PCDHGA3: variants seen among roughly 807,000 people sequenced by gnomAD.
PCDHGA3 encodes the protein protocadherin gamma-A3.
PCDHGA3 carries 40 observed loss-of-function variants against 58.5 expected under a neutral mutation model. The ratio of observed to expected loss-of-function variants is 0.68; its 90% CI spans 0.53 to 0.89. The LOEUF is 0.89. Ranked by LOEUF, PCDHGA3 falls within the 40% of genes least tolerant of loss-of-function variation. The pLI is 0.00. For synonymous variants in PCDHGA3, 530 were observed against 525.7 expected, an observed-to-expected ratio of 1.01 and a Z score of -0.11; for missense variants, 1,223 against 1,195.9, an observed-to-expected ratio of 1.02 and a Z score of -0.33.
intron 1 of PCDHGA3, chr5:141,430,966 A>G: frequency 1.2e-6 from 2 of 1,612,916 alleles, no homozygotes. Context: ...TCATCCCCAG[A>G]GGTAGGACGC....
chr5:141,473,233 C>T (rs116489525), intron 1 of PCDHGA3, among the ~76,000 whole-genome samples: 1,684 of 152,238 alleles, frequency 0.011, 34 homozygotes, highest in African/African-American at 0.039. Flanking sequence ...ATTGGATCCA[C>T]ACAAGTGAAT....
intron 1 of PCDHGA3, chr5:141,415,744 T>TTTG (rs2095926305): frequency 2.5e-6 from 1 of 404,416 alleles, no homozygotes; most frequent in South Asian, 6.6e-5. Context: ...ATTAAGGTTT[T>TTTG]TTTTTTTTTT....
At chr5:141,388,018 C>A (rs528825785) in intron 1 of PCDHGA3, 2 of 1,460,562 alleles carry the variant, frequency 1.4e-6, no homozygotes, top group African/African-American at 2.9e-5. Flanking sequence ...CCCAAGGGCT[C>A]CGTAGTGGGG....
chr5:141,403,875 A>G (rs1311532081), intron 1 of PCDHGA3: 1 of 1,613,816 alleles, frequency 6.2e-7, no homozygotes, highest in South Asian at 1.1e-5. Context: ...AAAAGTCTAG[A>G]TTATGAAGAA....
At chr5:141,356,176 G>C (rs1169279400) in intron 1 of PCDHGA3, 1 of 1,612,348 alleles carries the variant, frequency 6.2e-7, no homozygotes, top group Admixed American at 1.7e-5. Context: ...TGATGGGCCT[G>C]GTCTCCGAGC....
rs1349935659 is a variant in PCDHGA3 at position 141,507,722 on chromosome 5, A to C, written c.2572+2241A>C. 6.6e-5 allele frequency among the ~76,000 whole-genome samples: 10 copies of C among 152,354 alleles called. No homozygotes were observed. In the East Asian group the frequency reaches 1.9e-3, roughly 29 times the overall value. ...ATTTATGGCCCCAAACCCTCCAAGC[A>C]AGTCATGCAGCTCGTTCCCCTGTCA... On this transcript the variant is annotated intron_variant, in intron 3 of 3. Coordinates refer to ENST00000253812, the MANE Select transcript of PCDHGA3 (RefSeq NM_018916.4).
chr5:141,415,880 A>G, intron 1 of PCDHGA3: 1 of 1,003,078 alleles, frequency 1.0e-6, no homozygotes. Flanking sequence ...TGAGTACAAT[A>G]TTGACAATTC....
chr5:141,374,289 G>A, intron 1 of PCDHGA3: 1 of 1,614,016 alleles, frequency 6.2e-7, no homozygotes. Context: ...ATCGTCTCCA[G>A]AGGTAGGATG....
In PCDHGA3 at chr5:141,372,299, G is replaced by T. The variant is rs35459734; in HGVS notation, c.2424+25842G>T. The stretch of plus-strand genomic sequence containing the variant: ...GCACGGCGCGTACCTTGGGCGACAG[G>T]GAGGCCGCCCGCCAGCGCCTGCTGG... On this transcript the variant is annotated intron_variant, in intron 1 of 3. Coordinates refer to ENST00000253812, the MANE Select transcript of PCDHGA3 (RefSeq NM_018916.4). The T allele has an allele frequency of 1.9e-3, 2,997 of 1,613,318 alleles. 22 individuals are homozygous for T. Among genetic ancestry groups the T allele is most frequent in the African/African-American group, 0.017 (1,313 of 75,058 alleles).
chr5:141,354,510 A>G (rs755155605), intron 1 of PCDHGA3, among the ~76,000 whole-genome samples: 7 of 152,228 alleles, frequency 4.6e-5, no homozygotes, highest in Non-Finnish European at 1.0e-4. Flanking sequence ...GTTTTTTGCA[A>G]GGGAATTGAA....
chr5:141,387,735 T>C lies in PCDHGA3; in HGVS notation c.2424+41278T>C, dbSNP rs966437790. The C allele has an allele frequency of 1.2e-5, 16 of 1,308,452 alleles. No individual in the cohort carries two copies. In the East Asian group the frequency reaches 1.3e-4, roughly 10 times the overall value. 81.1% of individuals were successfully genotyped at this position (1,308,452 alleles called of 1,614,324 possible). ...GCTCAGACTCCCCAGCGCCAGCCTTTACACCGCTTCCTCCTCGGAAAAAGA... is the reference window on the plus strand; with the variant it reads ...GCTCAGACTCCCCAGCGCCAGCCTTCACACCGCTTCCTCCTCGGAAAAAGA... On this transcript the variant is annotated intron_variant, in intron 1 of 3. Transcript: ENST00000253812.
chr5:141,484,230 G>A (rs1325484143), intron 1 of PCDHGA3, among the ~76,000 whole-genome samples: 2 of 152,174 alleles, frequency 1.3e-5, no homozygotes, highest in Non-Finnish European at 2.9e-5. Flanking sequence ...CAGGTAAAGA[G>A]ATCTGGTCCT....
chr5:141,349,812 T>G (rs1032595462), intron 1 of PCDHGA3, among the ~76,000 whole-genome samples: 8 of 151,658 alleles, frequency 5.3e-5, no homozygotes, highest in Non-Finnish European at 1.2e-4. Flanking sequence ...CCCCCAAAAC[T>G]GAAAAAAATG....
chr5:141,425,337 G>A (rs1327677274), intron 1 of PCDHGA3, among the ~76,000 whole-genome samples: 1 of 152,186 alleles, frequency 6.6e-6, no homozygotes. Flanking sequence ...AAAAAGGAAG[G>A]GTTGGCTTTG....
chr5:141,428,563 G>A, intron 1 of PCDHGA3: 2 of 237,566 alleles, frequency 8.4e-6, no homozygotes, highest in East Asian at 1.1e-4. Flanking sequence ...CCCCCCACAA[G>A]ATCTTTCTAA....
chr5:141,498,786 A>T (rs2099785591), intron 2 of PCDHGA3, among the ~76,000 whole-genome samples: 1 of 152,050 alleles, frequency 6.6e-6, no homozygotes, highest in East Asian at 1.9e-4. Context: ...ACAAAATATT[A>T]GCCAGGTGTG....
intron 1 of PCDHGA3, chr5:141,383,690 T>C: frequency 1.9e-6 from 3 of 1,614,010 alleles, no homozygotes; most frequent in Non-Finnish European, 2.5e-6. Flanking sequence ...CTGCTCACGG[T>C]ACATGCTATC....
At chr5:141,422,375 TCTC>T in intron 1 of PCDHGA3, 1 of 1,570,814 alleles carries the variant, frequency 6.4e-7, no homozygotes, top group Non-Finnish European at 8.6e-7. Context: ...AATGGTCAAG[TCTC>T]CTGTTTTATT....
chr5:141,419,035 T>G, intron 1 of PCDHGA3: 1 of 1,613,954 alleles, frequency 6.2e-7, no homozygotes, highest in Non-Finnish European at 8.5e-7. Context: ...GTGTTCCATT[T>G]AAGATTCATT....
Sources: gnomAD v4.1 joint callset for allele counts (sites outside exome capture counted in the v4.1 genomes callset) on GRCh38, gnomAD v4.1.1 for gene constraint, MANE v1.5 for transcripts, NCBI Gene and HGNC (gene_info 2026-07-23, HGNC 2026-07-21) for gene names.